Variants in MYO5B observed in about 807,000 individuals in gnomAD.
The protein encoded by MYO5B is unconventional myosin-Vb.
MYO5B carries 143 observed loss-of-function variants against 229.3 expected under a neutral mutation model. That is an observed-to-expected ratio of 0.62 (90% CI 0.54 to 0.72). MYO5B has a LOEUF of 0.72. MYO5B is among the 30% of genes least tolerant of loss of function. MYO5B has a pLI of 0.00. For missense variants in MYO5B, 2,321 were observed against 2,331.0 expected (o/e 1.00, Z 0.09); for synonymous variants, 918 against 885.2 (o/e 1.04, Z -0.66).
chr18:49,990,023 C>T (rs2025912090), intron 7 of MYO5B, among the ~76,000 whole-genome samples: 1 of 152,208 alleles, frequency 6.6e-6, no homozygotes, highest in Admixed American at 6.5e-5. Context: ...ATCCTCACCC[C>T]TTTCTCTTTG....
intron 2 of MYO5B, among the ~76,000 whole-genome samples, chr18:50,047,604 T>G (rs147778877): frequency 0.015 from 2,341 of 152,234 alleles, 52 homozygotes; most frequent in African/African-American, 0.052. Flanking sequence ...ATACCCAAAG[T>G]ATTATAAATC....
In MYO5B at chr18:50,147,719, G is replaced by A. The variant is rs141395550; in HGVS notation, c.27+47048C>T. ...CCCCAGTGACCTCACTGACCTCACC[G>A]AAACTCTTTTGTATAAAGGCCCTAC... On this transcript the variant is annotated intron_variant, in intron 1 of 39. Transcript: ENST00000285039. Among the ~76,000 whole-genome samples the A allele has an allele frequency of 5.3e-3, 800 of 152,128 alleles. 9 individuals carry two copies. Among genetic ancestry groups the A allele is most frequent in the African/African-American group, 0.016 (663 of 41,510 alleles).
At chr18:50,179,847 C>G (rs941700282) in intron 1 of MYO5B, among the ~76,000 whole-genome samples, 2 of 152,146 alleles carry the variant, frequency 1.3e-5, no homozygotes, top group South Asian at 4.1e-4. Flanking sequence ...GAAGCCTATG[C>G]CTTGCAGTGC....
chr18:49,879,632 G>C (rs2024564875), intron 23 of MYO5B, among the ~76,000 whole-genome samples: 1 of 152,232 alleles, frequency 6.6e-6, no homozygotes, highest in Non-Finnish European at 1.5e-5. Flanking sequence ...TATTGGGTGG[G>C]ACTGTGAGGT....
chr18:49,970,143 T>C (rs2025675317), intron 10 of MYO5B, among the ~76,000 whole-genome samples: 1 of 152,180 alleles, frequency 6.6e-6, no homozygotes, highest in African/African-American at 2.4e-5. Context: ...CAAATGCAGG[T>C]TAATGCAACC....
chr18:49,850,990 T>C (rs2024194093), intron 31 of MYO5B: 1 of 152,300 alleles, frequency 6.6e-6, no homozygotes, highest in Admixed American at 6.5e-5. Context: ...ATGACCACCA[T>C]CAGTCCGAAG....
At chr18:49,877,240 T>C (rs2024536039) in intron 25 of MYO5B, among the ~76,000 whole-genome samples, 1 of 152,238 alleles carries the variant, frequency 6.6e-6, no homozygotes, top group Non-Finnish European at 1.5e-5. Context: ...GTCCACTGTG[T>C]GGTATATTTA....
intron 1 of MYO5B, among the ~76,000 whole-genome samples, chr18:50,161,904 C>T (rs549605939): frequency 6.6e-6 from 1 of 152,230 alleles, no homozygotes; most frequent in Non-Finnish European, 1.5e-5. Flanking sequence ...TTCAAAGATG[C>T]CCCATTCAGG....
At chr18:49,880,288 A>G in intron 23 of MYO5B, 83 bp downstream of exon 23, 1 of 1,175,652 alleles carries the variant, frequency 8.5e-7, no homozygotes, top group South Asian at 1.2e-5. Flanking sequence ...GTCTAACTGC[A>G]TGCTTGCTAG....
intron 4 of MYO5B, among the ~76,000 whole-genome samples, chr18:50,009,021 G>A (rs1488409822): frequency 6.6e-6 from 1 of 152,148 alleles, no homozygotes; most frequent in Non-Finnish European, 1.5e-5. Flanking sequence ...TTAATACTTG[G>A]AAGACAGGGT....
In MYO5B at chr18:49,847,184, T is replaced by C; in HGVS notation, c.4421A>G (p.Lys1474Arg). The part of the protein sequence containing the change: ...KDFQGMLEYH[K>R]EDEALLIRNL... Reference sequence around the variant, plus strand: ...CCGGATGAGGAGGGCCTCGTCCTCTTTGTGGTACTCCAGCATGCCCTGGAA... The same window carrying C: ...CCGGATGAGGAGGGCCTCGTCCTCTCTGTGGTACTCCAGCATGCCCTGGAA... The change falls in exon 33 of 40, where the codon AAA becomes AGA. Residue 1474 changes from lysine to arginine, a missense_variant. Coordinates refer to ENST00000285039, the MANE Select transcript of MYO5B (RefSeq NM_001080467.3). 1.2e-6 allele frequency: 2 copies of C among 1,614,120 alleles called. No individual in the cohort carries two copies. Among genetic ancestry groups the C allele is most frequent in the Non-Finnish European group, 1.7e-6 (2 of 1,180,002 alleles).
intron 9 of MYO5B, among the ~76,000 whole-genome samples, chr18:49,979,271 G>A (rs774917434): frequency 8.5e-5 from 13 of 152,124 alleles, no homozygotes; most frequent in Admixed American, 3.3e-4. Flanking sequence ...GGCACCTAAC[G>A]CTACCAGCAC....
chr18:49,837,147 A>G (rs982533053), intron 37 of MYO5B, among the ~76,000 whole-genome samples: 1 of 152,250 alleles, frequency 6.6e-6, no homozygotes, highest in Admixed American at 6.5e-5. Context: ...CAGGCATTAA[A>G]TATACTGAAT....
intron 10 of MYO5B, among the ~76,000 whole-genome samples, chr18:49,964,010 C>T (rs535967814): frequency 6.6e-6 from 1 of 152,324 alleles, no homozygotes; most frequent in African/African-American, 2.4e-5. Context: ...AGAGATGCAT[C>T]ATCATTTAAC....
At chr18:49,885,278 A>G (rs2024630497) in intron 22 of MYO5B, among the ~76,000 whole-genome samples, 1 of 152,186 alleles carries the variant, frequency 6.6e-6, no homozygotes, top group Non-Finnish European at 1.5e-5. Flanking sequence ...AAGAGTCTCA[A>G]AAATGACCTC....
intron 14 of MYO5B, among the ~76,000 whole-genome samples, chr18:49,939,444 T>TA (rs2025289793): frequency 6.6e-6 from 1 of 152,212 alleles, no homozygotes; most frequent in African/African-American, 2.4e-5. Context: ...ATGCCCGGCC[T>TA]ACATGAATGA....
chr18:49,851,183 G>T (rs546341), intron 31 of MYO5B: 129,093 of 152,186 alleles, frequency 0.85, 54,836 homozygotes, highest in East Asian at 0.96. Flanking sequence ...AGGCTTTGAC[G>T]CCTGTCTTTG....
At chr18:49,839,523 G>A (rs1385907701) in intron 35 of MYO5B, among the ~76,000 whole-genome samples, 2 of 152,188 alleles carry the variant, frequency 1.3e-5, no homozygotes, top group Non-Finnish European at 2.9e-5. Context: ...AGCCTGAATC[G>A]CTCAGTCCAA....
At position 50,018,450 on chromosome 18, in the gene MYO5B, C is replaced by G. The variant is rs528837758; in HGVS notation, c.456-17039G>C. ...ATATGCTATAAACTGTCTAGAGAAGCCTTCGCAATCTTTAAAATGTCAACA... is the reference window on the plus strand; with the variant it reads ...ATATGCTATAAACTGTCTAGAGAAGGCTTCGCAATCTTTAAAATGTCAACA... On this transcript the variant is annotated intron_variant, in intron 4 of 39. Coordinates refer to ENST00000285039, the MANE Select transcript of MYO5B (RefSeq NM_001080467.3). Among the ~76,000 whole-genome samples, 8 of 152,214 alleles carry G rather than the reference C, an allele frequency of 5.3e-5. 1 individual carries two copies. In the South Asian group the frequency reaches 1.7e-3, roughly 32 times the overall value.
Sources: allele counts gnomAD v4.1 joint callset (sites outside exome capture counted in the v4.1 genomes callset), GRCh38; gene constraint gnomAD v4.1.1; transcripts MANE v1.5; gene names NCBI Gene and HGNC (gene_info 2026-07-23, HGNC 2026-07-21).